BSN: variants seen among roughly 807,000 people sequenced by gnomAD.
BSN encodes protein bassoon.
A neutral mutation model predicts 264.8 loss-of-function variants in BSN; 57 were observed. The observed-to-expected ratio is 0.22, with a 90% CI of 0.17 to 0.27. The LOEUF is 0.27. BSN is among the 10% of genes least tolerant of loss of function. The pLI is 1.00. For missense variants in BSN, 4,615 were observed against 5,232.5 expected (o/e 0.88, Z 3.64); for synonymous variants, 2,059 against 2,137.3 (o/e 0.96, Z 1.01).
chr3:49,647,005 T>G (rs1178188826), intron 3 of BSN, among the ~76,000 whole-genome samples: 1 of 152,190 alleles, frequency 6.6e-6, no homozygotes, highest in East Asian at 1.9e-4. Context: ...CTGGGCATCC[T>G]TTTCTCTGGA....
Position 49,650,980 on chromosome 3 carries a change from C to G in BSN, c.1887C>G (p.Thr629=). 1.2e-6 allele frequency: 2 copies of G among 1,614,168 alleles called. No individual in the cohort carries two copies. The highest frequency in any genetic ancestry group is 1.7e-6 in the Non-Finnish European group (2 of 1,180,030). ...AGCCACCTCCAGAGACTACCCCAAC[C>G]CCTGCGACTCCTAAAGTAAAGAGTG... ...MPKPPPETTP[T]PATPKVKSGV... Residue 629 remains threonine, a synonymous_variant, in exon 4 of 12, where the codon ACC becomes ACG. Coordinates refer to ENST00000296452, the MANE Select transcript of BSN (RefSeq NM_003458.4).
At chr3:49,573,198 C>T (rs952127943) in intron 1 of BSN, among the ~76,000 whole-genome samples, 2 of 152,034 alleles carry the variant, frequency 1.3e-5, no homozygotes, top group Non-Finnish European at 2.9e-5. Context: ...GGCAGTGATG[C>T]CAGGTGAAGA....
At position 49,646,786 on chromosome 3, in the gene BSN, T is replaced by A. The variant is rs116247974; in HGVS notation, c.1518+3634T>A. ...ATGCCCCACAGGGAACAAACACATT[T>A]GGTGCTGGGGGGTGAGGGGGTTACA... On this transcript the variant is annotated intron_variant, in intron 3 of 11. Coordinates refer to ENST00000296452, the MANE Select transcript of BSN (RefSeq NM_003458.4). Among the ~76,000 whole-genome samples, 1,446 of 152,318 alleles carry A rather than the reference T, an allele frequency of 9.5e-3. 21 individuals carry two copies. The highest frequency in any genetic ancestry group is 0.033 in the African/African-American group (1,386 of 41,560).
intron 1 of BSN, among the ~76,000 whole-genome samples, chr3:49,611,017 C>T (rs1346671599): frequency 1.3e-5 from 2 of 152,166 alleles, no homozygotes; most frequent in African/African-American, 2.4e-5. Flanking sequence ...TCCAGGCAGC[C>T]CCTAAGGGCA....
intron 1 of BSN, among the ~76,000 whole-genome samples, chr3:49,605,796 ATATT>A (rs1486185399): frequency 2.5e-5 from 2 of 79,638 alleles, no homozygotes; most frequent in Non-Finnish European, 4.3e-5. Context: ...ATATATAAAT[ATATT>A]TATATATATA....
intron 1 of BSN, among the ~76,000 whole-genome samples, chr3:49,609,782 C>T (rs897602225): frequency 1.3e-5 from 2 of 152,220 alleles, no homozygotes; most frequent in Non-Finnish European, 2.9e-5. Context: ...AGGGCCTACT[C>T]TCATGTCTCT....
chr3:49,651,903 G>A lies in BSN; in HGVS notation c.2347G>A (p.Glu783Lys). ...SDEELEDILE[E>K]DEDSAEWRRR... Reference sequence around the variant, plus strand: ...TGAGGAGCTGGAGGATATCCTGGAGGAAGACGAAGACTCTGCTGAGTGGAG... The same window carrying A: ...TGAGGAGCTGGAGGATATCCTGGAGAAAGACGAAGACTCTGCTGAGTGGAG... Residue 783 changes from glutamate (E) to lysine (K), a missense_variant, in exon 5 of 12, where the codon GAA (glutamate) becomes AAA (lysine). This residue lies in a region of BSN where 1,197 missense variants were observed against 1,348.0 expected (regional missense o/e 0.89). Transcript: ENST00000296452. The surrounding 1 kb of genome is among the most constrained non-coding windows in gnomAD (Gnocchi z 5.4). The A allele has an allele frequency of 6.2e-7, 1 of 1,613,974 alleles. No homozygotes were observed. The highest frequency in any genetic ancestry group is 1.1e-5 in the South Asian group (1 of 91,084).
In BSN at chr3:49,589,928, C is replaced by T. The variant is rs1460978242; in HGVS notation, c.225-35047C>T. ...TCTCAGCTCACTGCAACCTCCGCCT[C>T]CCAGGTTCAAGTGATTCTCCTGCCT... On this transcript the variant is annotated intron_variant, in intron 1 of 11. Coordinates refer to ENST00000296452, the MANE Select transcript of BSN (RefSeq NM_003458.4). 4.0e-5 allele frequency among the ~76,000 whole-genome samples: 6 copies of T among 148,458 alleles called. No individual in the cohort carries two copies. The South Asian group carries it at 8.6e-4, about 21-fold the overall frequency.
intron 1 of BSN, among the ~76,000 whole-genome samples, chr3:49,607,967 G>A (rs1444856120): frequency 6.6e-6 from 1 of 152,196 alleles, no homozygotes; most frequent in Admixed American, 6.5e-5. Flanking sequence ...ACAGTGAGGG[G>A]GACTGAGAAT....
At position 49,638,476 on chromosome 3, in the gene BSN, GTAT is replaced by G. The variant is rs1275456615; in HGVS notation, c.634-3790_634-3788del. Among the ~76,000 whole-genome samples the G allele has an allele frequency of 2.6e-5, 4 of 152,176 alleles. 1 individual carries two copies. The highest frequency in any genetic ancestry group is 5.9e-5 in the Non-Finnish European group (4 of 68,012). On this transcript the variant is annotated intron_variant, in intron 2 of 11. Coordinates refer to ENST00000296452, the MANE Select transcript of BSN (RefSeq NM_003458.4). This position sits in a 1 kb window ranked among gnomAD's most constrained non-coding sequence, Gnocchi z 4.3. Reference sequence around the variant, plus strand: ...CTGTCGGGGAGGCAGAGAGGGGGATGTATTGCTGGCCTCAGAGAGCTCCCTCAG... The same window carrying G: ...CTGTCGGGGAGGCAGAGAGGGGGATGTGCTGGCCTCAGAGAGCTCCCTCAG...
chr3:49,612,161 A>G (rs1327116858), intron 1 of BSN, among the ~76,000 whole-genome samples: 1 of 149,512 alleles, frequency 6.7e-6, no homozygotes, highest in African/African-American at 2.5e-5. Context: ...TTTGAGACAG[A>G]GTCTCGTTCT....
intron 1 of BSN, among the ~76,000 whole-genome samples, chr3:49,596,272 C>T (rs560550052): frequency 6.6e-6 from 1 of 151,884 alleles, no homozygotes; most frequent in Non-Finnish European, 1.5e-5. Flanking sequence ...GGTGTGGTGG[C>T]GGGTGCCTGT....
At chr3:49,562,456 C>T (rs1472552924) in intron 1 of BSN, among the ~76,000 whole-genome samples, 1 of 152,170 alleles carries the variant, frequency 6.6e-6, no homozygotes, top group East Asian at 1.9e-4. Flanking sequence ...AGAGTTTGCT[C>T]CTGCCTTCTC....
At chr3:49,594,526 A>G (rs1189082092) in intron 1 of BSN, among the ~76,000 whole-genome samples, 1 of 152,174 alleles carries the variant, frequency 6.6e-6, no homozygotes, top group Non-Finnish European at 1.5e-5. Context: ...TAAATCCTCT[A>G]TTGATTTATG....
intron 1 of BSN, among the ~76,000 whole-genome samples, chr3:49,605,472 ATATAT>A (rs2052112324): frequency 3.9e-4 from 5 of 12,750 alleles, no homozygotes; most frequent in African/African-American, 1.3e-3. Flanking sequence ...TATATATAAT[ATATAT>A]TATATAATAT....
At chr3:49,621,657 T>C (rs1209666247) in intron 1 of BSN, among the ~76,000 whole-genome samples, 5 of 151,706 alleles carry the variant, frequency 3.3e-5, no homozygotes, top group Non-Finnish European at 7.4e-5. Flanking sequence ...AAAAGCCAGG[T>C]TGGAGGGGTA....
Position 49,554,763 on chromosome 3 carries a change from C to G in BSN, c.161C>G (p.Ser54Trp). 6 of 1,229,240 alleles carry G rather than the reference C, an allele frequency of 4.9e-6. No homozygotes were observed. Among genetic ancestry groups the G allele is most frequent in the Non-Finnish European group, 5.1e-6 (5 of 985,688 alleles). The allele number at this position is 1,229,240 out of a possible 1,614,324, so 76.1% of individuals were successfully genotyped here. The change falls in exon 1 of 12, where the codon TCG becomes TGG. Residue 54 changes from serine to tryptophan, a missense_variant. Ser to Trp is a radical substitution (Grantham distance 177). Coordinates refer to ENST00000296452, the MANE Select transcript of BSN (RefSeq NM_003458.4). ...GQLPAAGAAR[S>W]TAVPPVPGPG... ...CTCCCCGCGGCGGGAGCAGCGCGGT[C>G]GACCGCGGTACCACCGGTCCCTGGC...
chr3:49,654,717 C>T lies in BSN; in HGVS notation c.5161C>T (p.Gln1721Ter). 6.2e-7 allele frequency: 1 copy of T among 1,613,720 alleles called. No individual in the cohort carries two copies. The highest frequency in any genetic ancestry group is 8.5e-7 in the Non-Finnish European group (1 of 1,180,026). ...VQPLVINLNA[Q>*]EHTFLATATT... The stretch of plus-strand genomic sequence containing the variant: ...GCCCTTGGTTATCAACCTCAATGCC[C>T]AGGAGCATACCTTCCTTGCTACTGC... Residue 1721 changes from glutamine to a stop codon, truncating the protein, a stop_gained, in exon 5 of 12, where the codon CAG becomes TAG. Transcript: ENST00000296452. LOFTEE classifies it high-confidence loss of function. The surrounding 1 kb of genome is among the most constrained non-coding windows in gnomAD (Gnocchi z 4.1).
At chr3:49,612,526 A>G (rs2052216488) in intron 1 of BSN, among the ~76,000 whole-genome samples, 1 of 152,160 alleles carries the variant, frequency 6.6e-6, no homozygotes, top group African/African-American at 2.4e-5. Flanking sequence ...GGCCAAAACA[A>G]ATTATGATCT....
Sources: gnomAD v4.1 joint callset for allele counts (sites outside exome capture counted in the v4.1 genomes callset) on GRCh38, gnomAD v4.1.1 for gene constraint, gnomAD v4.1.1 regional missense constraint, Gnocchi (gnomAD v3.1) non-coding constraint, MANE v1.5 for transcripts, NCBI Gene and HGNC (gene_info 2026-07-23, HGNC 2026-07-21) for gene names.